TGM7: variants seen among roughly 807,000 people sequenced by gnomAD.
TGM7 encodes the protein protein-glutamine gamma-glutamyltransferase Z.
Under a neutral mutation model 79.5 loss-of-function variants are expected in TGM7, and 74 were observed. That is an observed-to-expected ratio of 0.93 (90% CI 0.77 to 1.13). The LOEUF (loss-of-function observed/expected upper bound fraction) is 1.13. TGM7 is among the 50% of genes most tolerant of loss of function. The probability of loss-of-function intolerance (pLI) is 0.00; values close to 1 mark genes in which losing one functional copy is unlikely to be tolerated. For synonymous variants in TGM7, 354 were observed against 362.5 expected, an observed-to-expected ratio of 0.98 and a Z score of 0.27; for missense variants, 912 against 905.9, an observed-to-expected ratio of 1.01 and a Z score of -0.09.
chr15:43,293,568 G>C lies in TGM7; in HGVS notation c.74C>G (p.Thr25Arg). 1 of 1,611,194 alleles carries C rather than the reference G, an allele frequency of 6.2e-7. No individual in the cohort carries two copies. Among genetic ancestry groups the C allele is most frequent in the African/African-American group, 1.3e-5 (1 of 74,460 alleles). The stretch of plus-strand genomic sequence containing the variant: ...GAGCCGCTTGACGCCCATCTCCTGC[G>C]TGTGGTGCTCCTTGTTGTTCCTGGA... ...QSSRNNKEHHTQEMGVKRLTV... is the reference protein window; with the variant it reads ...QSSRNNKEHHRQEMGVKRLTV... Residue 25 changes from threonine to arginine, a missense_variant, in exon 2 of 13, where the codon ACG (threonine) becomes AGG (arginine). By Grantham distance (71) the Thr-to-Arg change is moderately conservative. Coordinates refer to ENST00000452443, the MANE Select transcript of TGM7 (RefSeq NM_052955.3).
At position 43,279,289 on chromosome 15, in the gene TGM7, C is replaced by G. The variant is rs372827330; in HGVS notation, c.1679-12G>C. On this transcript the variant is annotated splice_polypyrimidine_tract_variant and intron_variant, in intron 10 of 12. Transcript: ENST00000452443. ...CGGCCACTGTGTCTCTAAGCACATA[C>G]AAAAGACACCTTGAGTCCAGGACAT... 3.8e-5 allele frequency: 61 copies of G among 1,612,130 alleles called. No homozygotes were observed. Among genetic ancestry groups the G allele is most frequent in the Non-Finnish European group, 5.1e-5 (60 of 1,178,934 alleles).
chr15:43,296,579 C>T (rs1225655352), intron 1 of TGM7, among the ~76,000 whole-genome samples: 1 of 152,138 alleles, frequency 6.6e-6, no homozygotes, highest in Admixed American at 6.5e-5. Flanking sequence ...AACTCCCACC[C>T]TGAATGATCA....
At chr15:43,302,149 C>T in intron 1 of TGM7, 92 bp downstream of exon 1, 1 of 1,477,616 alleles carries the variant, frequency 6.8e-7, no homozygotes, top group Middle Eastern at 1.7e-4. Flanking sequence ...CCAGGCTCTC[C>T]TGTCGCTTCC....
At chr15:43,279,474 GAGGT>G (rs1187707435) in intron 10 of TGM7, 147 bp downstream of exon 10, 1 of 1,190,248 alleles carries the variant, frequency 8.4e-7, no homozygotes, top group African/African-American at 1.5e-5. Context: ...GGTGGCATCA[GAGGT>G]GCAGCAGCTG....
rs149576959 is a variant in TGM7, at chr15:43,287,574, G to A, written c.654C>T (p.Asp218=). ...TCACCACCCTGCACACATACACCAC[G>A]TCGTTCCGCTGGGAACAGTCTTTGG... is the stretch of plus-strand genomic sequence containing the variant. ...NPAKDCSQRN[D]VVYVCRVVSA... is the part of the protein sequence containing the mutation. Residue 218 remains aspartate, a synonymous_variant, in exon 5 of 13, where the codon GAC becomes GAT. Transcript: ENST00000452443. 62 of 1,614,004 alleles carry A rather than the reference G, an allele frequency of 3.8e-5. No homozygotes were observed. Among genetic ancestry groups the A allele is most frequent in the Non-Finnish European group, 4.8e-5 (57 of 1,180,022 alleles).
At chr15:43,301,808 G>A (rs2043026784) in intron 1 of TGM7, among the ~76,000 whole-genome samples, 1 of 152,024 alleles carries the variant, frequency 6.6e-6, no homozygotes, top group Admixed American at 6.5e-5. Flanking sequence ...AGGGGTGGGG[G>A]CAGCAACTCT....
At chr15:43,286,284 G>T (rs1396281635) in intron 6 of TGM7, among the ~76,000 whole-genome samples, 1 of 152,132 alleles carries the variant, frequency 6.6e-6, no homozygotes. Flanking sequence ...GCCTGGGAGT[G>T]GGGAGAGGCT....
intron 3 of TGM7, 107 bp downstream of exon 3, chr15:43,292,602 A>G (rs1286046744): frequency 2.9e-6 from 4 of 1,393,106 alleles, no homozygotes; most frequent in African/African-American, 2.9e-5. Context: ...ACACGCTACT[A>G]CATTGCATAG....
chr15:43,282,152 G>C, intron 8 of TGM7, 66 bp from the exon 9 acceptor site: 3 of 1,590,772 alleles, frequency 1.9e-6, no homozygotes, highest in Non-Finnish European at 2.6e-6. Context: ...GGGAGGTGGA[G>C]ATGGGATAGG....
chr15:43,297,518 G>A (rs570389865), intron 1 of TGM7, among the ~76,000 whole-genome samples: 2 of 117,916 alleles, frequency 1.7e-5, no homozygotes, highest in East Asian at 4.7e-4. Context: ...AAGGAAGGAA[G>A]GAAGGAAAGA....
In TGM7 at chr15:43,293,533, G is replaced by C; in HGVS notation, c.109C>G (p.Arg37Gly). The change falls in exon 2 of 13, where the codon CGC (arginine) becomes GGC (glycine). Residue 37 changes from arginine (R) to glycine (G), a missense_variant. By Grantham distance (125) the Arg-to-Gly change is moderately radical (BLOSUM62 -2). Transcript: ENST00000452443. Reference sequence around the variant, plus strand: ...AGCCGGAGGTAGAAGGGCTGGCCGCGGCGCACAGTGAGCCGCTTGACGCCC... The same window carrying C: ...AGCCGGAGGTAGAAGGGCTGGCCGCCGCGCACAGTGAGCCGCTTGACGCCC... Reference protein sequence around the residue: ...EMGVKRLTVRRGQPFYLRLSF... With the variant: ...EMGVKRLTVRGGQPFYLRLSF... The C allele has an allele frequency of 1.2e-6, 2 of 1,611,762 alleles. No homozygotes were observed. The highest frequency in any genetic ancestry group is 1.7e-6 in the Non-Finnish European group (2 of 1,179,688).
Position 43,287,344 on chromosome 15 carries a change from T to C in TGM7, c.801A>G (p.Ser267=), listed in dbSNP as rs2042940522. ...KGSVAILQQW[S]ARGGQPVKYG... is the part of the protein sequence containing the mutation. ...ACTTCACAGGCTGCCCGCCCCTGGCTGACCACTGCTGTAGGATGGCCACAC... is the reference window on the plus strand; with the variant it reads ...ACTTCACAGGCTGCCCGCCCCTGGCCGACCACTGCTGTAGGATGGCCACAC... The change falls in exon 6 of 13, where the codon TCA becomes TCG. Residue 267 remains serine, a synonymous_variant. Coordinates refer to ENST00000452443, the MANE Select transcript of TGM7 (RefSeq NM_052955.3). The C allele has an allele frequency of 6.2e-7, 1 of 1,614,084 alleles. No homozygotes were observed. The highest frequency in any genetic ancestry group is 8.5e-7 in the Non-Finnish European group (1 of 1,180,036).
At position 43,282,054 on chromosome 15, in the gene TGM7, C is replaced by T. The variant is rs1180867128; in HGVS notation, c.1141G>A (p.Ala381Thr). Residue 381 changes from alanine to threonine, a missense_variant, in exon 9 of 13, where the codon GCC becomes ACC. Ala to Thr is a moderately conservative substitution (Grantham distance 58). Coordinates refer to ENST00000452443, the MANE Select transcript of TGM7 (RefSeq NM_052955.3). ...LFCCGPASVK[A>T]IREGDVHLAY... Reference sequence around the variant, plus strand: ...AGGTGGACATCCCCTTCCCTGATGGCCTTCACAGAGGCAGGGCCACAGCAG... The same window carrying T: ...AGGTGGACATCCCCTTCCCTGATGGTCTTCACAGAGGCAGGGCCACAGCAG... 1.2e-6 allele frequency: 2 copies of T among 1,614,144 alleles called. No individual in the cohort carries two copies. The highest frequency in any genetic ancestry group is 1.7e-5 in the Admixed American group (1 of 60,018).
intron 1 of TGM7, among the ~76,000 whole-genome samples, chr15:43,297,531 GAAAGAAAGAGAA>G (rs2043003267): frequency 7.0e-6 from 1 of 142,918 alleles, no homozygotes; most frequent in Non-Finnish European, 1.5e-5. Flanking sequence ...AGGAAAGAAA[GAAAGAAAGAGAA>G]AAAGAAAGAA....
intron 10 of TGM7, 30 bp downstream of exon 10, chr15:43,279,595 G>A: frequency 6.5e-7 from 1 of 1,540,862 alleles, no homozygotes; most frequent in Non-Finnish European, 8.8e-7. Flanking sequence ...CCTCCCTGTA[G>A]GTGCCTTCTC....
chr15:43,298,755 TAAATA>T (rs1230849179), intron 1 of TGM7, among the ~76,000 whole-genome samples: 4 of 151,974 alleles, frequency 2.6e-5, no homozygotes, highest in Admixed American at 6.6e-5. Context: ...CCATCTCAAA[TAAATA>T]AAATAAAATA....
intron 11 of TGM7, among the ~76,000 whole-genome samples, chr15:43,278,701 G>A (rs572823858): frequency 2.0e-5 from 3 of 152,278 alleles, no homozygotes; most frequent in South Asian, 4.2e-4. Context: ...TGATCCTCCC[G>A]CCTTGGCCTC....
At chr15:43,288,692 G>A (rs1042979663) in intron 4 of TGM7, among the ~76,000 whole-genome samples, 7 of 152,108 alleles carry the variant, frequency 4.6e-5, no homozygotes, top group African/African-American at 1.7e-4. Context: ...TACTTCGAGA[G>A]GCCGAGGCAG....
In TGM7 at chr15:43,282,551, C is replaced by G. The variant is rs1463583605; in HGVS notation, c.1074G>C (p.Gln358His). 1.9e-6 allele frequency: 3 copies of G among 1,600,368 alleles called. No homozygotes were observed. The highest frequency in any genetic ancestry group is 2.6e-6 in the Non-Finnish European group (3 of 1,173,046). ...TCTGCTGGGGAGTGGGGTCCAGAACCTGCCACCCGTTGTATCCTGGTGGGA... is the reference window on the plus strand; with the variant it reads ...TCTGCTGGGGAGTGGGGTCCAGAACGTGCCACCCGTTGTATCCTGGTGGGA... Reference protein sequence around the residue: ...KDLPPGYNGWQVLDPTPQQTS... With the variant: ...KDLPPGYNGWHVLDPTPQQTS... Residue 358 changes from glutamine to histidine, a missense_variant, in exon 8 of 13, where the codon CAG becomes CAC. Physicochemically the swap from Gln to His is conservative, Grantham distance 24. Transcript: ENST00000452443.
Sources: allele counts gnomAD v4.1 joint callset (sites outside exome capture counted in the v4.1 genomes callset), GRCh38; gene constraint gnomAD v4.1.1; transcripts MANE v1.5; gene names NCBI Gene and HGNC (gene_info 2026-07-23, HGNC 2026-07-21).